Variants in HECW1 observed in about 807,000 individuals in gnomAD.
The protein encoded by HECW1 is E3 ubiquitin-protein ligase HECW1.
HECW1 carries 61 observed loss-of-function variants against 182.3 expected under a neutral mutation model. The observed-to-expected ratio is 0.33, with a 90% confidence interval of 0.27 to 0.41. The LOEUF is 0.41. HECW1 is among the 10% of genes least tolerant of loss of function. HECW1 has a pLI of 1.00. For missense variants in HECW1, 1,739 were observed against 2,108.9 expected, an observed-to-expected ratio of 0.82 and a Z score of 3.44; for synonymous variants, 859 against 832.6, an observed-to-expected ratio of 1.03 and a Z score of -0.55.
intron 8 of HECW1, among the ~76,000 whole-genome samples, chr7:43,423,938 G>A (rs1482933649): frequency 1.3e-5 from 2 of 152,164 alleles, no homozygotes; most frequent in Non-Finnish European, 1.5e-5. Flanking sequence ...TTCTAAGCAC[G>A]AAGGCTTCAG....
chr7:43,119,966 G>A (rs1398880631), intron 2 of HECW1, among the ~76,000 whole-genome samples: 1 of 152,176 alleles, frequency 6.6e-6, no homozygotes, highest in East Asian at 1.9e-4. Context: ...CTTTAAAAGT[G>A]GAAGTCTTCT....
At chr7:43,532,885 G>T (rs1486718826) in intron 24 of HECW1, among the ~76,000 whole-genome samples, 1 of 152,216 alleles carries the variant, frequency 6.6e-6, no homozygotes, top group East Asian at 1.9e-4. Flanking sequence ...GCAGAGTGGA[G>T]CACAAAGCCT....
At chr7:43,494,282 C>T (rs939548982) in intron 19 of HECW1, among the ~76,000 whole-genome samples, 2 of 152,130 alleles carry the variant, frequency 1.3e-5, no homozygotes, top group South Asian at 2.1e-4. Context: ...AAACATTCAC[C>T]TCCTCATACT....
At chr7:43,279,564 G>A (rs1803628477) in intron 3 of HECW1, among the ~76,000 whole-genome samples, 1 of 151,964 alleles carries the variant, frequency 6.6e-6, no homozygotes, top group African/African-American at 2.4e-5. Flanking sequence ...AACCTGTTGG[G>A]AATTCCCATC....
chr7:43,546,921 C>CT (rs944186100), intron 26 of HECW1, among the ~76,000 whole-genome samples: 12 of 152,114 alleles, frequency 7.9e-5, no homozygotes, highest in African/African-American at 2.7e-4. Context: ...CTTTGTGGTG[C>CT]TTTTTTTCCA....
At chr7:43,213,342 G>A (rs1301368138) in intron 2 of HECW1, among the ~76,000 whole-genome samples, 2 of 151,174 alleles carry the variant, frequency 1.3e-5, no homozygotes. Context: ...TATTTTGTTT[G>A]GATCATCTGT....
chr7:43,487,972 G>GAC (rs2078711426), intron 17 of HECW1, among the ~76,000 whole-genome samples: 1 of 150,676 alleles, frequency 6.6e-6, no homozygotes, highest in Admixed American at 6.6e-5. Flanking sequence ...GGAAGAGAGA[G>GAC]AGAGAGAGAG....
chr7:43,365,462 G>A (rs547654062), intron 6 of HECW1, among the ~76,000 whole-genome samples: 4,412 of 143,702 alleles, frequency 0.031, 230 homozygotes, highest in African/African-American at 0.11. Flanking sequence ...ATTCCCACCC[G>A]TGTGGGGCCA....
intron 8 of HECW1, 67 bp from the exon 9 acceptor site, chr7:43,437,936 A>C: frequency 2.0e-6 from 3 of 1,518,650 alleles, no homozygotes; most frequent in Non-Finnish European, 1.8e-6. Context: ...ATCAAGGCAG[A>C]TGGACTGGGA....
At chr7:43,202,311 C>G (rs1165457164) in intron 2 of HECW1, among the ~76,000 whole-genome samples, 2 of 152,078 alleles carry the variant, frequency 1.3e-5, no homozygotes, top group Non-Finnish European at 2.9e-5. Flanking sequence ...TCTCTCTCAT[C>G]AAAAAATTGT....
intron 24 of HECW1, among the ~76,000 whole-genome samples, chr7:43,526,222 C>T (rs1563090978): frequency 6.6e-6 from 1 of 152,118 alleles, no homozygotes; most frequent in Non-Finnish European, 1.5e-5. Flanking sequence ...GTTGTCAGAG[C>T]CATTATTATT....
chr7:43,365,042 C>T (rs541710446), intron 6 of HECW1, among the ~76,000 whole-genome samples: 6 of 152,330 alleles, frequency 3.9e-5, no homozygotes, highest in African/African-American at 1.4e-4. Context: ...CTGAAAATAA[C>T]CAGGCTGCCC....
intron 26 of HECW1, among the ~76,000 whole-genome samples, chr7:43,542,301 T>C (rs1287227150): frequency 6.6e-6 from 1 of 152,188 alleles, no homozygotes; most frequent in Non-Finnish European, 1.5e-5. Context: ...ATTTGTTTTT[T>C]TGTGGCTGAC....
intron 2 of HECW1, among the ~76,000 whole-genome samples, chr7:43,185,093 A>G (rs1386277079): frequency 6.6e-6 from 1 of 152,080 alleles, no homozygotes; most frequent in Non-Finnish European, 1.5e-5. Context: ...ATGCAGATGC[A>G]AACCCTATCA....
At chr7:43,376,506 T>C (rs1584689004) in intron 6 of HECW1, among the ~76,000 whole-genome samples, 1 of 152,112 alleles carries the variant, frequency 6.6e-6, no homozygotes, top group African/African-American at 2.4e-5. Context: ...TACATCCTGG[T>C]TTTTAAATCC....
At chr7:43,198,072 T>A (rs1471349180) in intron 2 of HECW1, among the ~76,000 whole-genome samples, 2 of 132,144 alleles carry the variant, frequency 1.5e-5, no homozygotes, top group Admixed American at 7.3e-5. Context: ...ACACACACAC[T>A]CTCTTACACA....
At chr7:43,501,536 G>GA (rs1304463420) in intron 21 of HECW1, among the ~76,000 whole-genome samples, 5 of 152,084 alleles carry the variant, frequency 3.3e-5, no homozygotes, top group Non-Finnish European at 5.9e-5. Context: ...AAATGGTTGG[G>GA]AAAAAAATGT....
At chr7:43,493,986 C>T (rs79913089) in intron 19 of HECW1, among the ~76,000 whole-genome samples, 42 of 152,298 alleles carry the variant, frequency 2.8e-4, no homozygotes, top group African/African-American at 9.4e-4. Context: ...ATCCCATCAA[C>T]GGCTGCATTT....
chr7:43,371,751 C>T (rs192459368), intron 6 of HECW1, among the ~76,000 whole-genome samples: 28 of 152,226 alleles, frequency 1.8e-4, no homozygotes, highest in South Asian at 4.2e-4. Flanking sequence ...TACACTCTAA[C>T]GGCAAAAGCA....
Sources: allele counts gnomAD v4.1 joint callset (sites outside exome capture counted in the v4.1 genomes callset), GRCh38; gene constraint gnomAD v4.1.1; transcripts MANE v1.5; gene names NCBI Gene and HGNC (gene_info 2026-07-23, HGNC 2026-07-21).